Variants in AADAT observed in about 807,000 individuals in gnomAD.
AADAT encodes aminoadipate aminotransferase.
A neutral mutation model predicts 56.2 loss-of-function variants in AADAT; 25 were observed. That is an observed-to-expected ratio of 0.44 (90% CI 0.32 to 0.62). The LOEUF (loss-of-function observed/expected upper bound fraction) is 0.62. Ranked by LOEUF, AADAT falls within the 20% of genes least tolerant of loss-of-function variation. AADAT has a pLI of 0.04. For missense variants in AADAT, 387 were observed against 510.5 expected, an observed-to-expected ratio of 0.76 and a Z score of 2.33; for synonymous variants, 173 against 164.7, an observed-to-expected ratio of 1.05 and a Z score of -0.39.
At chr4:170,061,196 C>G (rs1731169753) in intron 12 of AADAT, among the ~76,000 whole-genome samples, 1 of 152,032 alleles carries the variant, frequency 6.6e-6, no homozygotes, top group Non-Finnish European at 1.5e-5. Flanking sequence ...TGTTGTTGTT[C>G]TCGTGGCCTT....
At chr4:170,088,236 A>G (rs561859784) in intron 2 of AADAT, among the ~76,000 whole-genome samples, 160 bp downstream of exon 2, 1 of 152,050 alleles carries the variant, frequency 6.6e-6, no homozygotes, top group Non-Finnish European at 1.5e-5. Context: ...TTAGTATTCA[A>G]TGACTGAGTA....
chr4:170,067,445 C>T, intron 8 of AADAT, 57 bp from the exon 9 acceptor site: 1 of 1,458,736 alleles, frequency 6.9e-7, no homozygotes. Flanking sequence ...GTACTTTTTG[C>T]CATATATAAA....
intron 8 of AADAT, 120 bp downstream of exon 8, chr4:170,068,471 A>C: frequency 1.5e-6 from 1 of 664,852 alleles, no homozygotes; most frequent in Non-Finnish European, 2.5e-6. Context: ...GCATGTCTGC[A>C]AAGAAGGCAA....
chr4:170,072,219 GTGTA>G, intron 5 of AADAT, among the ~76,000 whole-genome samples: 1 of 152,028 alleles, frequency 6.6e-6, no homozygotes, highest in Non-Finnish European at 1.5e-5. Flanking sequence ...GACTGTGTGT[GTGTA>G]TGTGTGTGTG....
upstream of AADAT, among the ~76,000 whole-genome samples, chr4:170,092,341 A>AGAAG (rs1389379305): frequency 4.6e-5 from 7 of 152,254 alleles, no homozygotes; most frequent in Non-Finnish European, 8.8e-5. Flanking sequence ...CACAGGGAGG[A>AGAAG]GTAAACAAAT....
intron 3 of AADAT, among the ~76,000 whole-genome samples, chr4:170,082,002 G>A (rs1027707582): frequency 7.2e-5 from 11 of 152,084 alleles, no homozygotes; most frequent in Non-Finnish European, 1.0e-4. Flanking sequence ...TCCATCTTAC[G>A]AGAAATGCTA....
chr4:170,066,289 T>C, intron 10 of AADAT, 125 bp downstream of exon 10: 1 of 843,688 alleles, frequency 1.2e-6, no homozygotes, highest in Non-Finnish European at 2.0e-6. Context: ...GGTGTAATGT[T>C]TCCTTGGCAA....
chr4:170,090,840 T>C (rs185433869), upstream of AADAT, among the ~76,000 whole-genome samples: 127 of 152,312 alleles, frequency 8.3e-4, no homozygotes, highest in African/African-American at 2.8e-3. Context: ...TTAATGGTTA[T>C]TAAAATGAAT....
intron 5 of AADAT, among the ~76,000 whole-genome samples, chr4:170,072,199 A>G (rs1339122576): frequency 2.0e-5 from 3 of 152,120 alleles, no homozygotes; most frequent in Non-Finnish European, 4.4e-5. Flanking sequence ...AAGTACAAAC[A>G]TAAGAACATG....
At chr4:170,069,034 G>A (rs1581574339) in intron 7 of AADAT, 114 bp downstream of exon 7, 1 of 833,724 alleles carries the variant, frequency 1.2e-6, no homozygotes, top group East Asian at 2.8e-5. Flanking sequence ...GGTATTTTAA[G>A]ACAAGTAGAC....
At chr4:170,063,107 G>A (rs1364168774) in intron 11 of AADAT, among the ~76,000 whole-genome samples, 5 of 152,114 alleles carry the variant, frequency 3.3e-5, no homozygotes, top group Non-Finnish European at 1.5e-5. Flanking sequence ...AGTACTCTGG[G>A]CAAAAGATTT....
At chr4:170,085,394 A>G (rs2111208644) in intron 3 of AADAT, among the ~76,000 whole-genome samples, 2 of 152,332 alleles carry the variant, frequency 1.3e-5, no homozygotes, top group South Asian at 4.1e-4. Flanking sequence ...ATCTGGGAGC[A>G]CTGTTTAAAA....
In AADAT at chr4:170,070,639, T is replaced by C; in HGVS notation, c.668A>G (p.Tyr223Cys). Residue 223 changes from tyrosine (Y) to cysteine (C), a missense_variant, in exon 6 of 13, where the codon TAT becomes TGT. Tyr to Cys is a radical substitution (Grantham distance 194). Coordinates refer to ENST00000337664, the MANE Select transcript of AADAT (RefSeq NM_016228.4). ...KKEIYELARKYDFLIIEDDPY... is the reference protein window; with the variant it reads ...KKEIYELARKCDFLIIEDDPY... The stretch of plus-strand genomic sequence containing the variant: ...ATCATCTTCTATTATGAGGAAATCA[T>C]ATTTTCTTGCAAGCTAAAAAAGGTT... The C allele has an allele frequency of 3.8e-6, 6 of 1,573,356 alleles. No homozygotes were observed. The highest frequency in any genetic ancestry group is 5.2e-6 in the Non-Finnish European group (6 of 1,150,752).
At chr4:170,092,676 G>A (rs1478800725), upstream of AADAT, among the ~76,000 whole-genome samples, 2 of 152,218 alleles carry the variant, frequency 1.3e-5, no homozygotes, top group Non-Finnish European at 2.9e-5. Context: ...CTTAATAGCT[G>A]GGTGTCTTTG....
intron 12 of AADAT, among the ~76,000 whole-genome samples, chr4:170,061,400 TA>T (rs1731180821): frequency 6.6e-6 from 1 of 152,184 alleles, no homozygotes; most frequent in African/African-American, 2.4e-5. Context: ...TTTCCAAGGA[TA>T]AATATAAACT....
At chr4:170,063,367 A>C (rs1445410031) in intron 11 of AADAT, among the ~76,000 whole-genome samples, 1 of 152,210 alleles carries the variant, frequency 6.6e-6, no homozygotes, top group African/African-American at 2.4e-5. Context: ...GGACTGAAGA[A>C]GAGTAGAGTA....
chr4:170,079,154 C>T (rs936321788), intron 3 of AADAT, among the ~76,000 whole-genome samples: 19 of 152,264 alleles, frequency 1.2e-4, no homozygotes, highest in African/African-American at 4.6e-4. Context: ...AGTACAGATG[C>T]ACAATGACAT....
intron 4 of AADAT, among the ~76,000 whole-genome samples, chr4:170,074,850 C>T (rs923396440): frequency 6.6e-6 from 1 of 151,838 alleles, no homozygotes; most frequent in Non-Finnish European, 1.5e-5. Flanking sequence ...TGTGGAATCT[C>T]ATTCATGGTT....
chr4:170,091,117 G>C (rs1309872772), upstream of AADAT, among the ~76,000 whole-genome samples: 1 of 152,232 alleles, frequency 6.6e-6, no homozygotes, highest in Non-Finnish European at 1.5e-5. Context: ...CGGCCTCAGC[G>C]CTCACTCTGA....
Sources: gnomAD v4.1 joint callset for allele counts (sites outside exome capture counted in the v4.1 genomes callset) on GRCh38, gnomAD v4.1.1 for gene constraint, MANE v1.5 for transcripts, NCBI Gene and HGNC (gene_info 2026-07-23, HGNC 2026-07-21) for gene names.